The following ZNF43 variants were observed in gnomAD, a reference collection of about 807,000 sequenced individuals.
ZNF43 encodes the protein zinc finger protein 39-like 1 (KOX 27).
ZNF43 carries 44 observed loss-of-function variants against 68.4 expected under a neutral mutation model. That is an observed-to-expected ratio of 0.64 (90% confidence interval 0.51 to 0.83). The LOEUF is 0.83. Among genes scored for constraint, ZNF43 ranks in the 40% least tolerant of loss-of-function variants. The pLI, the probability that ZNF43 is intolerant of heterozygous loss-of-function variation, is 0.00. For missense variants in ZNF43, 896 were observed against 933.2 expected (o/e 0.96, Z 0.52); for synonymous variants, 308 against 307.8 (o/e 1.00, Z -0.01).
chr19:21,808,286 T>C lies in ZNF43; in HGVS notation c.1751A>G (p.His584Arg), dbSNP rs758010270. 1.2e-6 allele frequency: 2 copies of C among 1,613,668 alleles called. No homozygotes were observed. Among genetic ancestry groups the C allele is most frequent in the Admixed American group, 1.7e-5 (1 of 60,016 alleles). ...TTTCTCTCCAGTATGAATTTTCTTA[T>C]GTGTAGTAAGGTTTGAGGATTGGGT... is the stretch of plus-strand genomic sequence containing the variant. ...AFTQSSNLTT[H>R]KKIHTGEKFY... Residue 584 changes from histidine (H) to arginine (R), a missense_variant, in exon 4 of 4, where the codon CAT becomes CGT. Physicochemically the swap from His to Arg is conservative, Grantham distance 29. Coordinates refer to ENST00000354959, the MANE Select transcript of ZNF43 (RefSeq NM_003423.4).
chr19:21,847,059 C>T (rs1968002494), intron 1 of ZNF43, among the ~76,000 whole-genome samples: 1 of 152,184 alleles, frequency 6.6e-6, no homozygotes, highest in Admixed American at 6.5e-5. Context: ...AGAAGACTGT[C>T]ACATCACCTG....
chr19:21,833,326 G>T (rs969643327), intron 1 of ZNF43, among the ~76,000 whole-genome samples: 3 of 151,856 alleles, frequency 2.0e-5, no homozygotes, highest in African/African-American at 7.3e-5. Flanking sequence ...GAGTACAATG[G>T]CGCGACCTCA....
At chr19:21,812,880 A>G (rs965261242) in intron 3 of ZNF43, among the ~76,000 whole-genome samples, 2 of 151,788 alleles carry the variant, frequency 1.3e-5, no homozygotes, top group African/African-American at 4.8e-5. Context: ...AACCTGGGAC[A>G]TGAGAACAAA....
At chr19:21,839,355 A>AAAAAAG (rs1555726813), upstream of ZNF43, among the ~76,000 whole-genome samples, 8 of 146,238 alleles carry the variant, frequency 5.5e-5, no homozygotes, top group East Asian at 4.4e-4. Context: ...AAAAAAAAAA[A>AAAAAAG]AGAGATCACA....
At chr19:21,811,653 C>A (rs1377497471) in intron 3 of ZNF43, among the ~76,000 whole-genome samples, 1 of 151,098 alleles carries the variant, frequency 6.6e-6, no homozygotes, top group Non-Finnish European at 1.5e-5. Context: ...GGTACTGACA[C>A]AAAGACAGAT....
At chr19:21,851,539 CAAAAAAAA>C (rs759516277) in intron 1 of ZNF43, among the ~76,000 whole-genome samples, 6 of 64,836 alleles carry the variant, frequency 9.3e-5, no homozygotes, top group East Asian at 5.2e-4. Flanking sequence ...GATTCCCTCT[CAAAAAAAA>C]AAAAAAAAAA....
rs1263202486 is a variant in ZNF43, at chr19:21,816,539, T to C, written c.229+1349A>G. On this transcript the variant is annotated intron_variant, in intron 3 of 3. Transcript: ENST00000354959. Reference sequence around the variant, plus strand: ...AAATTCTGAACTTACTCTGTAAGCATCCCAAACTGCTTCCAGCCACAGTTT... The same window carrying C: ...AAATTCTGAACTTACTCTGTAAGCACCCCAAACTGCTTCCAGCCACAGTTT... Among the ~76,000 whole-genome samples, 5 of 152,136 alleles carry C rather than the reference T, an allele frequency of 3.3e-5. No individual in the cohort carries two copies. In the East Asian group the frequency reaches 7.7e-4, roughly 23 times the overall value.
chr19:21,840,800 AC>A (rs1967471828), upstream of ZNF43: 1 of 152,124 alleles, frequency 6.6e-6, no homozygotes. Context: ...TTGCTCTGAG[AC>A]TTTTTTTTCT....
In ZNF43 at chr19:21,805,320, C is replaced by T. The variant is rs1038448284; in HGVS notation, c.*2287G>A. On this transcript the variant is annotated 3_prime_UTR_variant, in exon 4 of 4. Transcript: ENST00000354959. ...CTCTACTAAAAATACAAAAATTAGC[C>T]TGGTGTGATGGTGGACGCCTGTAAT... is the stretch of plus-strand genomic sequence containing the variant. 5 of 152,140 alleles carry T rather than the reference C, an allele frequency of 3.3e-5. No homozygotes were observed. Among genetic ancestry groups the T allele is most frequent in the Non-Finnish European group, 7.3e-5 (5 of 68,058 alleles). The allele number at this position is 152,140 out of a possible 1,614,324, so 9.4% of individuals were successfully genotyped here. A position where few individuals can be genotyped will look rare whatever the true frequency, so the allele number is the denominator to read the frequency against.
intron 1 of ZNF43, among the ~76,000 whole-genome samples, chr19:21,828,913 C>T (rs10414358): frequency 1.3e-5 from 2 of 150,064 alleles, no homozygotes; most frequent in Non-Finnish European, 3.0e-5. Flanking sequence ...GGCGCCTATA[C>T]TCCCAGCTAC....
chr19:21,814,804 A>G (rs1396709560), intron 3 of ZNF43, among the ~76,000 whole-genome samples: 1 of 152,218 alleles, frequency 6.6e-6, no homozygotes. Context: ...ACCAAAAAAC[A>G]CAATAAACTG....
At chr19:21,824,940 T>C (rs1423365071) in intron 1 of ZNF43, among the ~76,000 whole-genome samples, 39 of 152,064 alleles carry the variant, frequency 2.6e-4, no homozygotes, top group South Asian at 2.1e-4. Flanking sequence ...ACAAAGTTGT[T>C]TGTCAGCCAC....
chr19:21,817,180 G>A (rs570680519), intron 3 of ZNF43, among the ~76,000 whole-genome samples: 2 of 150,944 alleles, frequency 1.3e-5, no homozygotes, highest in African/African-American at 4.9e-5. Context: ...CCGAGATTGT[G>A]CCACTGTACT....
At chr19:21,850,710 G>C (rs1968290811) in intron 1 of ZNF43, among the ~76,000 whole-genome samples, 1 of 152,218 alleles carries the variant, frequency 6.6e-6, no homozygotes, top group African/African-American at 2.4e-5. Context: ...TTAGCAATAT[G>C]TAACAATGCA....
At chr19:21,848,739 G>A (rs1049934015) in intron 1 of ZNF43, among the ~76,000 whole-genome samples, 1 of 152,120 alleles carries the variant, frequency 6.6e-6, no homozygotes, top group Admixed American at 6.6e-5. Context: ...TCCCGTACAG[G>A]TCCCAGTTCT....
At chr19:21,829,741 C>A (rs999028356) in intron 1 of ZNF43, among the ~76,000 whole-genome samples, 8 of 152,192 alleles carry the variant, frequency 5.3e-5, no homozygotes, top group Admixed American at 2.0e-4. Context: ...TTTATATTTT[C>A]TTTTACAACA....
In ZNF43 at chr19:21,807,578, A is replaced by C. The variant is rs771534748; in HGVS notation, c.*29T>G. 1.3e-6 allele frequency: 2 copies of C among 1,503,470 alleles called. No individual in the cohort carries two copies. Among genetic ancestry groups the C allele is most frequent in the Admixed American group, 4.6e-5 (2 of 43,506 alleles). 93.1% of individuals were successfully genotyped at this position (1,503,470 alleles called of 1,614,324 possible). On this transcript the variant is annotated 3_prime_UTR_variant, in exon 4 of 4. Coordinates refer to ENST00000354959, the MANE Select transcript of ZNF43 (RefSeq NM_003423.4). ...ATGTAAAGCCTTTATCACATTCTTT[A>C]CATTTCTAGAATTTCTCACCAGTAT...
At chr19:21,848,389 ACTCAT>A (rs1372276268) in intron 1 of ZNF43, among the ~76,000 whole-genome samples, 2 of 149,292 alleles carry the variant, frequency 1.3e-5, no homozygotes, top group Non-Finnish European at 3.0e-5. Flanking sequence ...TAACTGATCC[ACTCAT>A]CTCAGCCTCC....
chr19:21,843,949 A>G (rs1185548166), intron 1 of ZNF43, among the ~76,000 whole-genome samples: 1 of 152,154 alleles, frequency 6.6e-6, no homozygotes, highest in East Asian at 1.9e-4. Flanking sequence ...ATGTTAAGGG[A>G]TGACAATATT....
Sources: allele counts gnomAD v4.1 joint callset (sites outside exome capture counted in the v4.1 genomes callset), GRCh38; gene constraint gnomAD v4.1.1; transcripts MANE v1.5; gene names NCBI Gene and HGNC (gene_info 2026-07-23, HGNC 2026-07-21).